EIF4G3: variants seen among roughly 807,000 people sequenced by gnomAD.
EIF4G3 encodes the protein eIF-4-gamma 3.
Under a neutral mutation model 186.4 loss-of-function variants are expected in EIF4G3, and 34 were observed. The observed-to-expected ratio is 0.18, with a 90% CI of 0.14 to 0.24. The LOEUF (loss-of-function observed/expected upper bound fraction) is 0.24. EIF4G3 is among the 10% of genes least tolerant of loss of function. The pLI is 1.00. For missense variants in EIF4G3, 1,536 were observed against 1,948.5 expected (o/e 0.79, Z 3.99); for synonymous variants, 673 against 679.5 (o/e 0.99, Z 0.15).
chr1:20,862,053 T>C (rs2076483858), intron 23 of EIF4G3, among the ~76,000 whole-genome samples, 175 bp downstream of exon 23: 1 of 152,054 alleles, frequency 6.6e-6, no homozygotes, highest in Admixed American at 6.5e-5. Flanking sequence ...TAACTGGCAA[T>C]AGGCCTTTTG....
chr1:21,007,181 T>C (rs1359263512), intron 4 of EIF4G3, among the ~76,000 whole-genome samples: 1 of 152,120 alleles, frequency 6.6e-6, no homozygotes, highest in Non-Finnish European at 1.5e-5. Context: ...GCAGATCACC[T>C]GAGGTCAGGA....
Position 20,827,610 on chromosome 1 carries a change from C to T in EIF4G3, c.4269+7G>A, listed in dbSNP as rs760073491. 11 of 1,566,092 alleles carry T rather than the reference C, an allele frequency of 7.0e-6. No homozygotes were observed. The highest frequency in any genetic ancestry group is 1.4e-5 in the African/African-American group (1 of 73,942). Reference sequence around the variant, plus strand: ...CTGTTGAGTCTGACACTCAGTGTAACACTCACCATTTGTTTGCATAGTAGG... The same window carrying T: ...CTGTTGAGTCTGACACTCAGTGTAATACTCACCATTTGTTTGCATAGTAGG... On this transcript the variant is annotated splice_region_variant and intron_variant, in intron 32 of 36. Coordinates refer to ENST00000602326, the MANE Select transcript of EIF4G3 (RefSeq NM_001391906.1).
chr1:21,138,017 C>T (rs542806047), intron 2 of EIF4G3, among the ~76,000 whole-genome samples: 6 of 152,186 alleles, frequency 3.9e-5, no homozygotes, highest in Non-Finnish European at 8.8e-5. Flanking sequence ...AAATTAAAAC[C>T]ACAACTCTAC....
At chr1:20,975,992 C>A (rs771953847) in intron 10 of EIF4G3, among the ~76,000 whole-genome samples, 13 of 151,998 alleles carry the variant, frequency 8.6e-5, no homozygotes, top group Non-Finnish European at 1.0e-4. Flanking sequence ...TACTATCTAG[C>A]CCTTTACTGA....
intron 3 of EIF4G3, among the ~76,000 whole-genome samples, chr1:21,068,982 T>C (rs547160613): frequency 2.6e-5 from 4 of 152,312 alleles, no homozygotes; most frequent in African/African-American, 9.6e-5. Flanking sequence ...TTAGAACATA[T>C]CAGATTTTGA....
chr1:20,831,470 A>C (rs1383340794), intron 30 of EIF4G3, among the ~76,000 whole-genome samples: 1 of 151,646 alleles, frequency 6.6e-6, no homozygotes, highest in Non-Finnish European at 1.5e-5. Context: ...AAGCCTCACC[A>C]GCTCCCTCCT....
At chr1:20,851,875 G>T (rs1053721079) in intron 27 of EIF4G3, among the ~76,000 whole-genome samples, 5 of 151,914 alleles carry the variant, frequency 3.3e-5, no homozygotes, top group Non-Finnish European at 7.4e-5. Flanking sequence ...AAAATTAGCC[G>T]GGTTTGGTGG....
At chr1:20,991,597 C>A (rs183001358) in intron 7 of EIF4G3, among the ~76,000 whole-genome samples, 2 of 151,768 alleles carry the variant, frequency 1.3e-5, no homozygotes, top group Non-Finnish European at 2.9e-5. Context: ...AAATTCAGTT[C>A]TTTAGCTGCA....
intron 20 of EIF4G3, 131 bp from the exon 21 acceptor site, chr1:20,865,393 T>G: frequency 1.1e-6 from 1 of 902,262 alleles, no homozygotes; most frequent in Non-Finnish European, 1.6e-6. Context: ...GCAAACAATA[T>G]AGCTTCAGGC....
At chr1:21,094,039 C>T (rs140361594) in intron 2 of EIF4G3, among the ~76,000 whole-genome samples, 2,597 of 151,874 alleles carry the variant, frequency 0.017, 82 homozygotes, top group African/African-American at 0.058. Flanking sequence ...ACCAACATGG[C>T]GCATGTACAC....
chr1:20,969,871 A>G (rs2075460192), intron 11 of EIF4G3, among the ~76,000 whole-genome samples: 1 of 152,248 alleles, frequency 6.6e-6, no homozygotes, highest in Admixed American at 6.5e-5. Context: ...CTTGTTTTGT[A>G]AGAACCTGTA....
intron 2 of EIF4G3, among the ~76,000 whole-genome samples, chr1:21,155,682 G>A (rs2097647721): frequency 6.6e-6 from 1 of 152,092 alleles, no homozygotes; most frequent in African/African-American, 2.4e-5. Flanking sequence ...GGGTGAAAGA[G>A]TGAAACTCCA....
intron 2 of EIF4G3, among the ~76,000 whole-genome samples, chr1:21,103,954 G>A (rs1394798501): frequency 6.6e-6 from 1 of 152,154 alleles, no homozygotes; most frequent in Admixed American, 6.6e-5. Flanking sequence ...CTTGGAGTCA[G>A]ACAATCTTGG....
At chr1:20,923,809 CTATA>C (rs10587649) in intron 14 of EIF4G3, among the ~76,000 whole-genome samples, 45,356 of 143,622 alleles carry the variant, frequency 0.32, 7,637 homozygotes, top group Non-Finnish European at 0.39. Context: ...TTACCCATCC[CTATA>C]TATATATATA....
intron 22 of EIF4G3, among the ~76,000 whole-genome samples, chr1:20,863,961 G>A (rs772788709): frequency 2.0e-5 from 3 of 152,168 alleles, no homozygotes; most frequent in South Asian, 2.1e-4. Context: ...TCACAGCTAA[G>A]CATAATCCTA....
At chr1:20,843,897 A>T (rs2069668183) in intron 29 of EIF4G3, among the ~76,000 whole-genome samples, 1 of 152,138 alleles carries the variant, frequency 6.6e-6, no homozygotes, top group South Asian at 2.1e-4. Context: ...ATAAGTGAGA[A>T]CATGAAGTAT....
intron 34 of EIF4G3, among the ~76,000 whole-genome samples, chr1:20,815,470 G>A (rs1211454296): frequency 7.4e-4 from 111 of 150,638 alleles, no homozygotes; most frequent in African/African-American, 2.4e-3. Context: ...CTGCTGGGCC[G>A]CAACCCTGTC....
At chr1:20,878,950 C>T (rs895966637) in intron 20 of EIF4G3, among the ~76,000 whole-genome samples, 21 of 152,152 alleles carry the variant, frequency 1.4e-4, no homozygotes, top group African/African-American at 4.8e-4. Flanking sequence ...TTAGAATCAA[C>T]GTGTTTTTAA....
chr1:21,087,696 C>T (rs540499114), intron 3 of EIF4G3, among the ~76,000 whole-genome samples: 21 of 152,072 alleles, frequency 1.4e-4, no homozygotes, highest in East Asian at 3.9e-4. Flanking sequence ...TGCAGTGGCA[C>T]GATCTCAGCT....
Sources: gnomAD v4.1 joint callset for allele counts (sites outside exome capture counted in the v4.1 genomes callset) on GRCh38, gnomAD v4.1.1 for gene constraint, MANE v1.5 for transcripts, NCBI Gene and HGNC (gene_info 2026-07-23, HGNC 2026-07-21) for gene names.